OR4Q3: variants seen among roughly 807,000 people sequenced by gnomAD.
The protein encoded by OR4Q3 is olfactory receptor family 4 subfamily Q member 3, also known as olfactory receptor 4Q3.
A neutral mutation model predicts 18.8 loss-of-function variants in OR4Q3; 17 were observed. The observed-to-expected ratio is 0.91, with a 90% CI of 0.62 to 1.36. The LOEUF (loss-of-function observed/expected upper bound fraction) is 1.36, where lower values mean the gene tolerates loss of function less well. OR4Q3 is among the 40% of genes most tolerant of loss of function. The pLI is 0.00. For missense variants in OR4Q3, 378 were observed against 373.4 expected (o/e 1.01, Z -0.10); for synonymous variants, 158 against 145.8 (o/e 1.08, Z -0.60).
chr14:19,746,478 A>G, intron 1 of OR4Q3, among the ~76,000 whole-genome samples: 1 of 152,112 alleles, frequency 6.6e-6, no homozygotes, highest in Admixed American at 6.6e-5. Context: ...GGTTTCTCTT[A>G]TTACTCTGTC....
chr14:19,751,863 T>A, downstream of OR4Q3, among the ~76,000 whole-genome samples: 4 of 152,204 alleles, frequency 2.6e-5, no homozygotes, highest in Admixed American at 2.0e-4. Context: ...TTGTATAGAT[T>A]TTTGCACCTC....
downstream of OR4Q3, among the ~76,000 whole-genome samples, chr14:19,751,932 T>G: frequency 6.6e-6 from 1 of 152,220 alleles, no homozygotes; most frequent in African/African-American, 2.4e-5. Context: ...AGCTCTGGAG[T>G]TGGTTTGTCC....
chr14:19,748,467 A>T, exon 2 of OR4Q3: 1 of 869,226 alleles, frequency 1.2e-6, no homozygotes, highest in Admixed American at 2.8e-5. Context: ...TGACGTTGGT[A>T]TAAAAGAGGA....
exon 2 of OR4Q3, chr14:19,747,966 G>A: frequency 6.2e-7 from 1 of 1,614,046 alleles, no homozygotes; most frequent in East Asian, 2.2e-5. Flanking sequence ...AACTTCTACT[G>A]TGATGTCCCA....
exon 2 of OR4Q3, chr14:19,747,626 C>A: frequency 1.2e-6 from 2 of 1,613,984 alleles, no homozygotes; most frequent in Non-Finnish European, 8.5e-7. Flanking sequence ...TTTAGGTCAT[C>A]TCTCTTTCAT....
Position 19,748,344 on chromosome 14 carries a change from C to A in OR4Q3, c.941C>A (p.Pro314Gln). The A allele has an allele frequency of 8.1e-6, 13 of 1,609,766 alleles. No individual in the cohort carries two copies. The East Asian group carries it at 2.5e-4, about 30-fold the overall frequency. The change falls in exon 2 of 2, where the codon CCA (proline) becomes CAA (glutamine). Residue 314 changes from proline to glutamine, a missense_variant. Pro to Gln is a moderately conservative substitution (Grantham distance 76). Coordinates refer to ENST00000642117, the Ensembl canonical transcript of OR4Q3. Reference sequence around the variant, plus strand: ...GCTATGAAGAAGCTGAGGATAAAACCATGTGGCATTCCATTGCCTTGTTAA... The same window carrying A: ...GCTATGAAGAAGCTGAGGATAAAACAATGTGGCATTCCATTGCCTTGTTAA...
At chr14:19,748,909 G>C in exon 2 of OR4Q3, 1 of 154,522 alleles carries the variant, frequency 6.5e-6, no homozygotes, top group African/African-American at 2.4e-5. Context: ...AGTGTCCCAA[G>C]TTTTAGAAAT....
exon 2 of OR4Q3, chr14:19,748,616 A>G: frequency 2.1e-6 from 1 of 469,020 alleles, no homozygotes; most frequent in Non-Finnish European, 3.8e-6. Context: ...ACAAACGATA[A>G]CAAGCATTAA....
Position 19,747,515 on chromosome 14 carries a change from C to A in OR4Q3, c.112C>A (p.Leu38Ile). 8.7e-6 allele frequency: 14 copies of A among 1,613,522 alleles called. No homozygotes were observed. In the African/African-American group the frequency reaches 1.2e-4, roughly 14 times the overall value. The stretch of plus-strand genomic sequence containing the variant: ...GGAGCTGCAGCTATTTCTCTTCTTA[C>A]TATTTTTGTTTTTTTACATTGCTAT... Residue 38 changes from leucine (L) to isoleucine (I), a missense_variant, in exon 2 of 2, where the codon CTA (leucine) becomes ATA (isoleucine). Physicochemically the swap from Leu to Ile is conservative, Grantham distance 5. Transcript: ENST00000642117.
intron 1 of OR4Q3, among the ~76,000 whole-genome samples, chr14:19,744,863 C>T: frequency 6.6e-6 from 1 of 152,070 alleles, no homozygotes; most frequent in South Asian, 2.1e-4. Flanking sequence ...GTGTATTGTT[C>T]TTTTCATTCT....
At chr14:19,752,219 G>C, downstream of OR4Q3, among the ~76,000 whole-genome samples, 1 of 152,174 alleles carries the variant, frequency 6.6e-6, no homozygotes, top group Non-Finnish European at 1.5e-5. Flanking sequence ...AAACTATCAA[G>C]AGGGGAAACA....
At chr14:19,749,267 T>A in exon 2 of OR4Q3, 1 of 152,216 alleles carries the variant, frequency 6.6e-6, no homozygotes, top group Non-Finnish European at 1.5e-5. Context: ...ACTTCATTTT[T>A]GAGAATGAAC....
downstream of OR4Q3, among the ~76,000 whole-genome samples, chr14:19,749,739 TTCTC>T: frequency 4.7e-5 from 7 of 150,438 alleles, no homozygotes; most frequent in Admixed American, 4.0e-4. Context: ...TTTTCTTTCT[TTCTC>T]TCTCTCTTTC....
intron 1 of OR4Q3, among the ~76,000 whole-genome samples, chr14:19,745,718 T>C: frequency 1.3e-5 from 2 of 152,204 alleles, no homozygotes; most frequent in Non-Finnish European, 2.9e-5. Flanking sequence ...TTATGGAAAT[T>C]TACAATCCTT....
chr14:19,750,868 G>T, downstream of OR4Q3, among the ~76,000 whole-genome samples: 15 of 152,328 alleles, frequency 9.8e-5, no homozygotes, highest in Admixed American at 7.8e-4. Context: ...CATTTTCAGG[G>T]TTTTTTGCAT....
intron 1 of OR4Q3, among the ~76,000 whole-genome samples, chr14:19,746,880 A>G: frequency 1.3e-5 from 2 of 152,184 alleles, no homozygotes; most frequent in Non-Finnish European, 1.5e-5. Context: ...AAAGATGAGT[A>G]AGATATTTCC....
Position 19,747,456 on chromosome 14 carries a change from C to T in OR4Q3, c.53C>T (p.Thr18Ile). Residue 18 changes from threonine to isoleucine, a missense_variant, in exon 2 of 2, where the codon ACA (threonine) becomes ATA (isoleucine). Coordinates refer to ENST00000642117, the Ensembl canonical transcript of OR4Q3. The stretch of plus-strand genomic sequence containing the variant: ...AAAAAAGAACAAGATTCTAATGTGA[C>T]AGAATTTGTTCTTCTGGGCCTATCA... 2.6e-4 allele frequency: 426 copies of T among 1,607,992 alleles called. 1 individual carries two copies. In the African/African-American group the frequency reaches 5.2e-3, roughly 20 times the overall value.
chr14:19,749,604 C>CAAAAAAAAAAAAGAAAAAAA, downstream of OR4Q3: 1 of 34,570 alleles, frequency 2.9e-5, no homozygotes, highest in Non-Finnish European at 4.6e-5. Context: ...GGTCTCAAAG[C>CAAAAAAAAAAAAGAAAAAAA]AAAAAAAAAA....
exon 2 of OR4Q3, chr14:19,747,645 G>A: frequency 1.2e-6 from 2 of 1,614,022 alleles, no homozygotes; most frequent in Non-Finnish European, 1.7e-6. Flanking sequence ...ATTGACCTAT[G>A]CCTGAGCTGT....
Sources: gnomAD v4.1 joint callset for allele counts (sites outside exome capture counted in the v4.1 genomes callset) on GRCh38, gnomAD v4.1.1 for gene constraint, MANE v1.5 for transcripts, NCBI Gene and HGNC (gene_info 2026-07-23, HGNC 2026-07-21) for gene names.